Variants in SEZ6L observed in about 807,000 individuals in gnomAD.
The protein encoded by SEZ6L is seizure related 6 homolog like.
In SEZ6L, 37 loss-of-function variants were observed where a neutral mutation model predicts 106.2. The observed-to-expected ratio is 0.35, with a 90% CI of 0.27 to 0.46. The LOEUF (loss-of-function observed/expected upper bound fraction) is 0.46. Among genes scored for constraint, SEZ6L ranks in the 20% least tolerant of loss-of-function variants. The pLI is 1.00. For synonymous variants in SEZ6L, 541 were observed against 570.4 expected (o/e 0.95, Z 0.73); for missense variants, 1,172 against 1,332.8 (o/e 0.88, Z 1.88).
chr22:26,305,348 T>A (rs572723899), intron 5 of SEZ6L, among the ~76,000 whole-genome samples: 1 of 152,188 alleles, frequency 6.6e-6, no homozygotes, highest in Non-Finnish European at 1.5e-5. Context: ...GATCAAAGTG[T>A]TTGAGCACGT....
intron 11 of SEZ6L, among the ~76,000 whole-genome samples, chr22:26,348,640 G>GAGAA: frequency 3.9e-5 from 1 of 25,780 alleles, no homozygotes; most frequent in East Asian, 1.6e-3. Flanking sequence ...AAGAAAGAAA[G>GAGAA]AAAGAAAAAG....
At chr22:26,377,841 G>A in intron 16 of SEZ6L, 66 bp downstream of exon 16, 3 of 1,202,764 alleles carry the variant, frequency 2.5e-6, no homozygotes, top group Non-Finnish European at 3.7e-6. Flanking sequence ...CCAACAATAA[G>A]ACAAAACATT....
chr22:26,193,477 C>G (rs1331356917), intron 1 of SEZ6L, among the ~76,000 whole-genome samples: 1 of 152,130 alleles, frequency 6.6e-6, no homozygotes, highest in Non-Finnish European at 1.5e-5. Context: ...CATGGTGTGC[C>G]TTGTCCTAAA....
At chr22:26,303,871 G>A (rs2081528748) in intron 5 of SEZ6L, among the ~76,000 whole-genome samples, 1 of 152,144 alleles carries the variant, frequency 6.6e-6, no homozygotes, top group Non-Finnish European at 1.5e-5. Flanking sequence ...TCCTGTGCTT[G>A]GGAAGGAAAT....
intron 1 of SEZ6L, among the ~76,000 whole-genome samples, chr22:26,252,086 G>T (rs2079614848): frequency 6.6e-6 from 1 of 152,122 alleles, no homozygotes; most frequent in African/African-American, 2.4e-5. Flanking sequence ...GCACCTGGGA[G>T]CTAGTTAGAA....
intron 1 of SEZ6L, among the ~76,000 whole-genome samples, chr22:26,190,607 G>A (rs772703395): frequency 5.3e-5 from 8 of 152,142 alleles, no homozygotes; most frequent in Non-Finnish European, 1.2e-4. Context: ...AGGAGATTAA[G>A]TCTATAGTTG....
intron 11 of SEZ6L, among the ~76,000 whole-genome samples, chr22:26,348,572 A>AGGGAGGG (rs1261156649): frequency 4.0e-5 from 4 of 100,236 alleles, no homozygotes; most frequent in Non-Finnish European, 7.2e-5. Context: ...GGAGGAAAGA[A>AGGGAGGG]AGAAAGAAAG....
Position 26,230,211 on chromosome 22 carries a change from G to C in SEZ6L, c.94+60448G>C, listed in dbSNP as rs995944283. 2.6e-5 allele frequency among the ~76,000 whole-genome samples: 4 copies of C among 152,236 alleles called. No individual in the cohort carries two copies. In the South Asian group the frequency reaches 8.3e-4, roughly 32 times the overall value. On this transcript the variant is annotated intron_variant, in intron 1 of 16. Coordinates refer to ENST00000248933, the MANE Select transcript of SEZ6L (RefSeq NM_021115.5). Reference sequence around the variant, plus strand: ...CTGTTTCATGAAACCCAGAGGCAGAGCTAGCAGGGCCATGAGAACCATCTC... The same window carrying C: ...CTGTTTCATGAAACCCAGAGGCAGACCTAGCAGGGCCATGAGAACCATCTC...
intron 1 of SEZ6L, among the ~76,000 whole-genome samples, chr22:26,224,415 A>G (rs1044700719): frequency 1.3e-5 from 2 of 152,192 alleles, no homozygotes; most frequent in African/African-American, 4.8e-5. Flanking sequence ...ATGAGCTATC[A>G]GAGAAGGAGA....
chr22:26,210,531 G>C (rs1043399884), intron 1 of SEZ6L, among the ~76,000 whole-genome samples: 29 of 152,188 alleles, frequency 1.9e-4, no homozygotes, highest in African/African-American at 6.8e-4. Flanking sequence ...TAATTCCGAT[G>C]TCAGTGACAC....
At chr22:26,224,180 C>G (rs538196589) in intron 1 of SEZ6L, among the ~76,000 whole-genome samples, 1 of 152,306 alleles carries the variant, frequency 6.6e-6, no homozygotes, top group African/African-American at 2.4e-5. Context: ...CATGAAAGAG[C>G]TTTGGAGGCA....
Position 26,296,591 on chromosome 22 carries a change from G to A in SEZ6L, c.970-297G>A, listed in dbSNP as rs111516476. Among the ~76,000 whole-genome samples, 1,160 of 152,290 alleles carry A rather than the reference G, an allele frequency of 7.6e-3. 18 individuals carry two copies. The highest frequency in any genetic ancestry group is 0.06 in the East Asian group (311 of 5,164). Reference sequence around the variant, plus strand: ...AATCTATCCCACCCACTAGCATCCAGGGCCTGTGCCAAAGGCCCCTCTTAC... The same window carrying A: ...AATCTATCCCACCCACTAGCATCCAAGGCCTGTGCCAAAGGCCCCTCTTAC... On this transcript the variant is annotated intron_variant, in intron 3 of 16. Transcript: ENST00000248933.
intron 1 of SEZ6L, among the ~76,000 whole-genome samples, chr22:26,256,831 C>G (rs2079838178): frequency 6.6e-6 from 1 of 152,216 alleles, no homozygotes; most frequent in African/African-American, 2.4e-5. Context: ...GATGCTCACT[C>G]AAGCCTGACA....
At chr22:26,269,335 G>A (rs1344441583) in intron 1 of SEZ6L, among the ~76,000 whole-genome samples, 1 of 152,106 alleles carries the variant, frequency 6.6e-6, no homozygotes, top group Non-Finnish European at 1.5e-5. Context: ...GGTCTTTTAC[G>A]CGTGTAGGAG....
intron 10 of SEZ6L, among the ~76,000 whole-genome samples, chr22:26,343,571 C>T (rs537814611): frequency 6.6e-6 from 1 of 152,278 alleles, no homozygotes; most frequent in South Asian, 2.1e-4. Context: ...AATCCCTTGA[C>T]ACCTCCTATA....
At chr22:26,356,557 G>A (rs991424641) in intron 12 of SEZ6L, among the ~76,000 whole-genome samples, 1 of 151,804 alleles carries the variant, frequency 6.6e-6, no homozygotes, top group Admixed American at 6.6e-5. Context: ...CGGGAGAATC[G>A]CTGGAACCCG....
Position 26,313,810 on chromosome 22 carries a change from C to T in SEZ6L, c.1923C>T (p.Ser641=). The change falls in exon 9 of 17, where the codon TCC becomes TCT. Residue 641 remains serine, a synonymous_variant. Coordinates refer to ENST00000248933, the MANE Select transcript of SEZ6L (RefSeq NM_021115.5). ...ELSAVAGVVL[S]PNWPEPYVEG... ...CTGCTGTGGCTGGGGTGGTATTGTC[C>T]CCAAACTGGCCCGAGCCCTACGTGG... is the stretch of plus-strand genomic sequence containing the variant. 2 of 1,613,148 alleles carry T rather than the reference C, an allele frequency of 1.2e-6. No individual in the cohort carries two copies. Among genetic ancestry groups the T allele is most frequent in the South Asian group, 2.2e-5 (2 of 91,002 alleles).
At chr22:26,229,197 G>A (rs546381150) in intron 1 of SEZ6L, among the ~76,000 whole-genome samples, 30 of 152,184 alleles carry the variant, frequency 2.0e-4, no homozygotes, top group Middle Eastern at 3.4e-3. Flanking sequence ...GGGTTTCACC[G>A]TGTTGGCCAG....
rs71192914 is a variant in SEZ6L, at chr22:26,338,867, C to CTTTTTTTTTTTTT, written c.2016-1564_2016-1552dup. On this transcript the variant is annotated intron_variant, in intron 9 of 16. Coordinates refer to ENST00000248933, the MANE Select transcript of SEZ6L (RefSeq NM_021115.5). ...CACCACGCCCGGACTTTTTTTTTTT[C>CTTTTTTTTTTTTT]TTTTTTTTTTTTTTTTTGTAGAGAC... is the stretch of plus-strand genomic sequence containing the variant. 5.5e-4 allele frequency among the ~76,000 whole-genome samples: 48 copies of CTTTTTTTTTTTTT among 87,484 alleles called. 1 individual carries two copies. Among genetic ancestry groups the CTTTTTTTTTTTTT allele is most frequent in the African/African-American group, 9.3e-4 (19 of 20,412 alleles). The allele number at this position is 87,484 out of a possible 152,430, so 57.4% of individuals were successfully genotyped here.
Sources: allele counts gnomAD v4.1 joint callset (sites outside exome capture counted in the v4.1 genomes callset), GRCh38; gene constraint gnomAD v4.1.1; transcripts MANE v1.5; gene names NCBI Gene and HGNC (gene_info 2026-07-23, HGNC 2026-07-21).